Variants in COPS3 observed in about 807,000 individuals in gnomAD.
COPS3 encodes the protein COP9 signalosome subunit 3.
Under a neutral mutation model 58.2 loss-of-function variants are expected in COPS3, and 10 were observed. The ratio of observed to expected loss-of-function variants is 0.17; its 90% CI spans 0.11 to 0.29. The LOEUF (loss-of-function observed/expected upper bound fraction) is 0.29, where lower values mean the gene tolerates loss of function less well. COPS3 is among the 10% of genes least tolerant of loss of function. The pLI, the probability that COPS3 is intolerant of heterozygous loss-of-function variation, is 1.00. For missense variants in COPS3, 333 were observed against 510.1 expected (o/e 0.65, Z 3.34); for synonymous variants, 187 against 181.7 (o/e 1.03, Z -0.24).
rs1373151843 is a variant in COPS3, at chr17:17,280,514, C to A, written c.55+618G>T. The A allele has an allele frequency of 5.0e-6, 6 of 1,192,420 alleles. No homozygotes were observed. The South Asian group carries it at 7.2e-5, about 14-fold the overall frequency. 73.9% of individuals were successfully genotyped at this position (1,192,420 alleles called of 1,614,324 possible). A position where few individuals can be genotyped will look rare whatever the true frequency, so the allele number is the denominator to read the frequency against. ...GGCTGAGGTTGCAGTGAGCCGAGAT[C>A]GCGCCACTGCACTCCAGCCTCGGCT... On this transcript the variant is annotated intron_variant, in intron 1 of 11. Transcript: ENST00000268717.
chr17:17,262,242 G>T, intron 6 of COPS3, 136 bp from the exon 7 acceptor site: 1 of 800,190 alleles, frequency 1.2e-6, no homozygotes, highest in Non-Finnish European at 1.9e-6. Context: ...GCCTTATTGA[G>T]ATAGAATTCA....
chr17:17,279,141 T>C (rs2048522679), intron 1 of COPS3, among the ~76,000 whole-genome samples: 1 of 152,162 alleles, frequency 6.6e-6, no homozygotes, highest in Non-Finnish European at 1.5e-5. Context: ...CCCAAAGTGC[T>C]GGAATTACAG....
At chr17:17,260,259 A>AG in intron 8 of COPS3, 42 bp downstream of exon 8, 1 of 1,592,392 alleles carries the variant, frequency 6.3e-7, no homozygotes, top group East Asian at 2.2e-5. Context: ...CATGGCCCCC[A>AG]GGGGGTCAGG....
chr17:17,257,224 T>A (rs779211593), intron 8 of COPS3, among the ~76,000 whole-genome samples: 109 of 151,244 alleles, frequency 7.2e-4, no homozygotes, highest in Middle Eastern at 6.8e-3. Flanking sequence ...ATTAGCCAGG[T>A]GTGGTGGTGT....
At chr17:17,276,949 G>A (rs956035068) in intron 1 of COPS3, among the ~76,000 whole-genome samples, 3 of 152,110 alleles carry the variant, frequency 2.0e-5, no homozygotes, top group African/African-American at 7.2e-5. Flanking sequence ...ATGACTTTAA[G>A]AAGTGCAAAC....
chr17:17,253,995 T>G (rs961351592), intron 9 of COPS3, among the ~76,000 whole-genome samples: 1 of 137,612 alleles, frequency 7.3e-6, no homozygotes, highest in African/African-American at 2.7e-5. Context: ...CGCCTCAAAA[T>G]AAAATAAAAG....
chr17:17,271,867 C>A (rs553962600), intron 2 of COPS3, among the ~76,000 whole-genome samples: 1 of 99,880 alleles, frequency 1.0e-5, no homozygotes, highest in African/African-American at 4.7e-5. Flanking sequence ...TACACACATA[C>A]ACACACATAT....
chr17:17,256,243 G>T (rs115970320), intron 8 of COPS3, among the ~76,000 whole-genome samples: 4,820 of 151,920 alleles, frequency 0.032, 111 homozygotes, highest in African/African-American at 0.064. Flanking sequence ...GAGGAGTAAT[G>T]AAAAATAATT....
chr17:17,271,051 G>T, intron 2 of COPS3, 43 bp from the exon 3 acceptor site: 2 of 1,351,924 alleles, frequency 1.5e-6, no homozygotes, highest in Non-Finnish European at 2.1e-6. Context: ...GATAGTTCAT[G>T]GGATAAAATA....
chr17:17,249,071 G>T, intron 9 of COPS3, 32 bp from the exon 10 acceptor site: 1 of 1,311,206 alleles, frequency 7.6e-7, no homozygotes, highest in Non-Finnish European at 1.1e-6. Context: ...AATCAGGAAA[G>T]CAGTTTAGAC....
In COPS3 at chr17:17,260,301, CTT is replaced by C; in HGVS notation, c.934_935del (p.Lys312AspfsTer34). On this transcript the variant is annotated frameshift_variant and splice_region_variant, in exon 8 of 12. Transcript: ENST00000268717. LOFTEE classifies it high-confidence loss of function. Reference protein sequence around the residue: ...LYKKNIQRLTKTFLTLSLQDM... With the variant: ...LYKKNIQRLTXTFLTLSLQDM... ...CCTGTGAAGGTGGCACTTTCCTCAC[CTT>C]TGTTAGCCTCTGAATATTCTTCTTA... is the stretch of plus-strand genomic sequence containing the variant. 6.2e-7 allele frequency: 1 copy of C among 1,613,560 alleles called. No individual in the cohort carries two copies. The highest frequency in any genetic ancestry group is 8.5e-7 in the Non-Finnish European group (1 of 1,179,610).
chr17:17,266,608 G>A (rs764615131), intron 5 of COPS3, among the ~76,000 whole-genome samples: 1 of 151,854 alleles, frequency 6.6e-6, no homozygotes, highest in Non-Finnish European at 1.5e-5. Context: ...AGACCAGCCT[G>A]ACCAAAATGG....
At chr17:17,278,855 T>C (rs574208116) in intron 1 of COPS3, among the ~76,000 whole-genome samples, 6 of 150,948 alleles carry the variant, frequency 4.0e-5, no homozygotes, top group African/African-American at 1.5e-4. Flanking sequence ...ACCAGAGATG[T>C]GGCCAATAAA....
intron 2 of COPS3, among the ~76,000 whole-genome samples, 184 bp from the exon 3 acceptor site, chr17:17,271,192 G>C (rs2048332867): frequency 6.6e-6 from 1 of 152,186 alleles, no homozygotes; most frequent in South Asian, 2.1e-4. Flanking sequence ...CACTTTGGGA[G>C]GCTGAGGCAG....
intron 8 of COPS3, among the ~76,000 whole-genome samples, chr17:17,257,192 C>T (rs904217807): frequency 2.0e-5 from 3 of 151,742 alleles, no homozygotes; most frequent in Non-Finnish European, 4.4e-5. Context: ...GGCGAAACCC[C>T]GTGTCTACTA....
chr17:17,271,177 C>G (rs1346665490), intron 2 of COPS3, among the ~76,000 whole-genome samples, 169 bp from the exon 3 acceptor site: 1 of 152,156 alleles, frequency 6.6e-6, no homozygotes, highest in Non-Finnish European at 1.5e-5. Context: ...TGCCCGTAAT[C>G]CAAGCACTTT....
At chr17:17,276,877 A>G (rs1444228071) in intron 1 of COPS3, among the ~76,000 whole-genome samples, 2 of 152,136 alleles carry the variant, frequency 1.3e-5, no homozygotes, top group East Asian at 3.9e-4. Flanking sequence ...TCTCTCCTCC[A>G]ACCCGCACTC....
chr17:17,266,482 GACTTTGA>G lies in COPS3; in HGVS notation c.441+1396_441+1402del, dbSNP rs1394596060. ...TATATACCTGCCCTTTTGCCTTCTG[GACTTTGA>G]ACATCGCAAAATAAGATAAATAAAT... On this transcript the variant is annotated intron_variant, in intron 5 of 11. Coordinates refer to ENST00000268717, the MANE Select transcript of COPS3 (RefSeq NM_003653.4). 2.6e-5 allele frequency among the ~76,000 whole-genome samples: 4 copies of G among 152,182 alleles called. No individual in the cohort carries two copies. The East Asian group carries it at 7.7e-4, about 29-fold the overall frequency.
chr17:17,280,918 G>A lies in COPS3; in HGVS notation c.55+214C>T, dbSNP rs1287059471. 8 of 881,906 alleles carry A rather than the reference G, an allele frequency of 9.1e-6. No homozygotes were observed. In the East Asian group the frequency reaches 2.3e-4, roughly 26 times the overall value. The allele number at this position is 881,906 out of a possible 1,614,324, so 54.6% of individuals were successfully genotyped here. On this transcript the variant is annotated intron_variant, in intron 1 of 11. Coordinates refer to ENST00000268717, the MANE Select transcript of COPS3 (RefSeq NM_003653.4). ...GGGCTCCCGGCGGCCCGAGGGAGGG[G>A]AGGCCGGCCGGCGAGGACAGCGGAG...
Sources: gnomAD v4.1 joint callset for allele counts (sites outside exome capture counted in the v4.1 genomes callset) on GRCh38, gnomAD v4.1.1 for gene constraint, MANE v1.5 for transcripts, NCBI Gene and HGNC (gene_info 2026-07-23, HGNC 2026-07-21) for gene names.